ROBO1: variants seen among roughly 807,000 people sequenced by gnomAD.
The protein encoded by ROBO1 is roundabout guidance receptor 1.
ROBO1 carries 149 observed loss-of-function variants against 195.9 expected under a neutral mutation model. The observed-to-expected ratio is 0.76, with a 90% CI of 0.67 to 0.87. The LOEUF (loss-of-function observed/expected upper bound fraction) is 0.87. Ranked by LOEUF, ROBO1 falls within the 40% of genes least tolerant of loss-of-function variation. The pLI is 0.00. For synonymous variants in ROBO1, 816 were observed against 733.2 expected (o/e 1.11, Z -1.82); for missense variants, 1,933 against 2,068.3 (o/e 0.93, Z 1.27).
intron 2 of ROBO1, among the ~76,000 whole-genome samples, chr3:79,353,950 C>G (rs1172795111): frequency 6.6e-6 from 1 of 151,824 alleles, no homozygotes. Flanking sequence ...GAGGCTGAGG[C>G]AGGAGAATCA....
intron 3 of ROBO1, chr3:79,019,479 A>C (rs1487057123): frequency 3.0e-6 from 3 of 986,258 alleles, no homozygotes; most frequent in Non-Finnish European, 3.6e-6. Context: ...TTTCCCCCAC[A>C]GTCCCCGCGG....
chr3:78,882,265 T>C (rs1166724475), intron 4 of ROBO1, among the ~76,000 whole-genome samples: 1 of 152,160 alleles, frequency 6.6e-6, no homozygotes, highest in Non-Finnish European at 1.5e-5. Context: ...GGATTGTAAT[T>C]GTAAAAGGCG....
chr3:79,400,114 T>C (rs1053582137), intron 2 of ROBO1, among the ~76,000 whole-genome samples: 4 of 152,184 alleles, frequency 2.6e-5, no homozygotes, highest in African/African-American at 9.6e-5. Flanking sequence ...ATATGGTAAA[T>C]GTGAGTTCTC....
chr3:79,047,971 C>T (rs2078625962), intron 3 of ROBO1, among the ~76,000 whole-genome samples: 1 of 152,086 alleles, frequency 6.6e-6, no homozygotes, highest in South Asian at 2.1e-4. Context: ...ACACTAGAAG[C>T]CTTGCCGTGG....
chr3:79,187,155 A>G (rs758680628), intron 2 of ROBO1, among the ~76,000 whole-genome samples: 5 of 152,072 alleles, frequency 3.3e-5, no homozygotes, highest in Non-Finnish European at 7.4e-5. Flanking sequence ...CAATTCTCAT[A>G]GGAAAATATG....
At chr3:78,882,167 TAG>T (rs565796088) in intron 4 of ROBO1, among the ~76,000 whole-genome samples, 2 of 152,236 alleles carry the variant, frequency 1.3e-5, no homozygotes, top group South Asian at 2.1e-4. Context: ...TTAAAAATAG[TAG>T]AGATACAGGG....
At chr3:78,929,946 T>C (rs1280634471) in intron 4 of ROBO1, among the ~76,000 whole-genome samples, 1 of 152,178 alleles carries the variant, frequency 6.6e-6, no homozygotes. Flanking sequence ...TATCAGAGCC[T>C]AAAAGCAATT....
chr3:79,111,728 G>C (rs1346818786), intron 3 of ROBO1, among the ~76,000 whole-genome samples: 1 of 152,142 alleles, frequency 6.6e-6, no homozygotes, highest in African/African-American at 2.4e-5. Context: ...TAATTTTAAA[G>C]TAGCTGAATT....
intron 1 of ROBO1, among the ~76,000 whole-genome samples, chr3:79,615,132 G>A (rs757108080): frequency 1.5e-4 from 23 of 151,944 alleles, no homozygotes; most frequent in African/African-American, 4.4e-4. Context: ...ACAATCGACC[G>A]GTGTAACATT....
chr3:78,737,379 T>C (rs2082416325), intron 5 of ROBO1, among the ~76,000 whole-genome samples: 1 of 152,186 alleles, frequency 6.6e-6, no homozygotes, highest in Admixed American at 6.6e-5. Flanking sequence ...TGACTAAATA[T>C]ATTCAGAGTT....
intron 1 of ROBO1, among the ~76,000 whole-genome samples, chr3:79,600,652 T>A (rs956593917): frequency 1.3e-5 from 2 of 151,842 alleles, no homozygotes; most frequent in Admixed American, 1.3e-4. Flanking sequence ...CCTGCTGATT[T>A]TTTTTTTCAC....
At chr3:79,229,704 G>A (rs866560815) in intron 2 of ROBO1, among the ~76,000 whole-genome samples, 31 of 152,202 alleles carry the variant, frequency 2.0e-4, no homozygotes, top group African/African-American at 7.5e-4. Context: ...ACAGGCATGA[G>A]CCATCGTGCC....
chr3:78,601,228 G>A (rs547783054), intron 29 of ROBO1, among the ~76,000 whole-genome samples: 4 of 152,052 alleles, frequency 2.6e-5, no homozygotes, highest in Non-Finnish European at 4.4e-5. Flanking sequence ...TGAAGTTCCC[G>A]CTGACGTTCT....
intron 2 of ROBO1, among the ~76,000 whole-genome samples, chr3:79,218,823 A>G (rs907483373): frequency 2.0e-5 from 3 of 151,950 alleles, no homozygotes; most frequent in African/African-American, 7.2e-5. Flanking sequence ...CTATTGGTGA[A>G]AAGGCCCAAA....
At chr3:79,373,801 G>T (rs2036287177) in intron 2 of ROBO1, among the ~76,000 whole-genome samples, 1 of 152,126 alleles carries the variant, frequency 6.6e-6, no homozygotes, top group Non-Finnish European at 1.5e-5. Flanking sequence ...AAGGATCTTA[G>T]TTCAATAAAA....
chr3:79,675,333 A>G (rs2106931438), intron 1 of ROBO1, among the ~76,000 whole-genome samples: 1 of 152,148 alleles, frequency 6.6e-6, no homozygotes, highest in East Asian at 1.9e-4. Flanking sequence ...AGTATGTCTA[A>G]GATTTGTTGA....
Sources: allele counts gnomAD v4.1 joint callset (sites outside exome capture counted in the v4.1 genomes callset), GRCh38; gene constraint gnomAD v4.1.1; transcripts MANE v1.5; gene names NCBI Gene and HGNC (gene_info 2026-07-23, HGNC 2026-07-21).